SEC23A: variants seen among roughly 807,000 people sequenced by gnomAD.
SEC23A encodes the protein SEC23 homolog A, COPII component, also known as protein transport protein Sec23A.
In SEC23A, 56 loss-of-function variants were observed where a neutral mutation model predicts 103.7. The ratio of observed to expected loss-of-function variants is 0.54; its 90% confidence interval spans 0.44 to 0.67. The LOEUF (loss-of-function observed/expected upper bound fraction) is 0.67, where lower values mean the gene tolerates loss of function less well. Among genes scored for constraint, SEC23A ranks in the 30% least tolerant of loss-of-function variants. SEC23A has a pLI of 0.00. For missense variants in SEC23A, 784 were observed against 936.4 expected (o/e 0.84, Z 2.12); for synonymous variants, 281 against 293.0 (o/e 0.96, Z 0.42).
At chr14:39,048,071 T>C (rs1885905655) in intron 15 of SEC23A, among the ~76,000 whole-genome samples, 2 of 152,168 alleles carry the variant, frequency 1.3e-5, no homozygotes, top group Admixed American at 6.5e-5. Context: ...TTATGTCAAA[T>C]GGAAAACTAA....
intron 19 of SEC23A, among the ~76,000 whole-genome samples, chr14:39,035,788 C>T (rs961863338): frequency 6.6e-6 from 1 of 152,078 alleles, no homozygotes; most frequent in African/African-American, 2.4e-5. Context: ...ACAGTTATTG[C>T]CTCAAGTAAT....
At chr14:39,079,249 A>T (rs1887137071) in intron 7 of SEC23A, among the ~76,000 whole-genome samples, 1 of 152,160 alleles carries the variant, frequency 6.6e-6, no homozygotes, top group Non-Finnish European at 1.5e-5. Flanking sequence ...AATACTTATA[A>T]GAAACAAAAG....
chr14:39,055,123 GCA>G lies in SEC23A; in HGVS notation c.1659+18_1659+19del, dbSNP rs1220836043. The G allele has an allele frequency of 6.2e-7, 1 of 1,613,630 alleles. No individual in the cohort carries two copies. The stretch of plus-strand genomic sequence containing the variant: ...AATGAAAGCATACAGATTTAGAAAA[GCA>G]CAGTGTTTATTTCTTACCAGTCGAA... On this transcript the variant is annotated intron_variant, in intron 14 of 19. Coordinates refer to ENST00000307712, the MANE Select transcript of SEC23A (RefSeq NM_006364.4).
At chr14:39,077,574 T>TAGAG (rs900437666) in intron 7 of SEC23A, among the ~76,000 whole-genome samples, 1 of 147,138 alleles carries the variant, frequency 6.8e-6, no homozygotes, top group African/African-American at 2.5e-5. Flanking sequence ...GAGACAAAGA[T>TAGAG]AGAGAGAGAG....
chr14:39,065,136 CAATA>C, intron 10 of SEC23A, 143 bp from the exon 11 acceptor site: 1 of 694,126 alleles, frequency 1.4e-6, no homozygotes, highest in Non-Finnish European at 2.6e-6. Context: ...AATAATCAAT[CAATA>C]AGCACTTCTA....
At chr14:39,092,698 A>AG in intron 3 of SEC23A, 71 bp from the exon 4 acceptor site, 1 of 833,658 alleles carries the variant, frequency 1.2e-6, no homozygotes, top group South Asian at 1.6e-5. Flanking sequence ...TTTTAAACAA[A>AG]GTATTTCCTG....
chr14:39,071,485 G>A (rs1171532256), intron 9 of SEC23A, among the ~76,000 whole-genome samples: 1 of 152,162 alleles, frequency 6.6e-6, no homozygotes, highest in Non-Finnish European at 1.5e-5. Flanking sequence ...GGAGGCAGAG[G>A]TTGCAGTGAG....
At chr14:39,038,392 C>G (rs747367490) in intron 19 of SEC23A, among the ~76,000 whole-genome samples, 4 of 152,170 alleles carry the variant, frequency 2.6e-5, no homozygotes, top group African/African-American at 4.8e-5. Context: ...TATTTTATCT[C>G]TAATATTAGA....
intron 14 of SEC23A, among the ~76,000 whole-genome samples, chr14:39,049,283 C>T (rs1885959137): frequency 6.6e-6 from 1 of 152,006 alleles, no homozygotes; most frequent in Non-Finnish European, 1.5e-5. Context: ...CGAGACCAGC[C>T]TGGCCAACAT....
At chr14:39,053,229 T>A (rs1886128982) in intron 14 of SEC23A, among the ~76,000 whole-genome samples, 1 of 152,234 alleles carries the variant, frequency 6.6e-6, no homozygotes. Context: ...CACATGATGC[T>A]GGAGACATCT....
chr14:39,033,352 A>G (rs960249312), intron 19 of SEC23A, 24 bp from the exon 20 acceptor site: 7 of 1,447,890 alleles, frequency 4.8e-6, no homozygotes, highest in Non-Finnish European at 6.8e-6. Context: ...GATATTTGTT[A>G]TGATTAAAGC....
intron 19 of SEC23A, among the ~76,000 whole-genome samples, chr14:39,035,722 A>G (rs1414732704): frequency 6.6e-6 from 1 of 152,184 alleles, no homozygotes; most frequent in Non-Finnish European, 1.5e-5. Context: ...GTCCAGATCT[A>G]TTGTATTCAA....
In SEC23A at chr14:39,099,500, C is replaced by T. The variant is rs76459279; in HGVS notation, c.-21-3361G>A. On this transcript the variant is annotated intron_variant, in intron 1 of 19. Coordinates refer to ENST00000307712, the MANE Select transcript of SEC23A (RefSeq NM_006364.4). ...CTTGTGCCTGCTACCATAAGCTTGA[C>T]AAGTTCCTAATATGTAAAGATTTTT... Among the ~76,000 whole-genome samples the T allele has an allele frequency of 7.8e-3, 1,184 of 152,220 alleles. 13 individuals are homozygous for T. The highest frequency in any genetic ancestry group is 0.026 in the African/African-American group (1,081 of 41,528).
chr14:39,097,414 C>A (rs1339676995), intron 1 of SEC23A, among the ~76,000 whole-genome samples: 1 of 152,078 alleles, frequency 6.6e-6, no homozygotes, highest in Non-Finnish European at 1.5e-5. Flanking sequence ...CCTGGAAAAC[C>A]CAACATGGAT....
intron 11 of SEC23A, among the ~76,000 whole-genome samples, chr14:39,063,990 C>T (rs1189677290): frequency 3.7e-5 from 4 of 107,292 alleles, no homozygotes; most frequent in Non-Finnish European, 9.4e-5. Context: ...AGCGAGACTC[C>T]GTCTCAAAAA....
At chr14:39,042,431 C>T (rs770924631) in intron 17 of SEC23A, among the ~76,000 whole-genome samples, 1 of 152,144 alleles carries the variant, frequency 6.6e-6, no homozygotes, top group Non-Finnish European at 1.5e-5. Context: ...ATAATGATTG[C>T]ATAACGTAAA....
At chr14:39,047,846 A>G (rs1939952242) in intron 15 of SEC23A, among the ~76,000 whole-genome samples, 1 of 152,218 alleles carries the variant, frequency 6.6e-6, no homozygotes, top group African/African-American at 2.4e-5. Context: ...CACAGACTTA[A>G]AAATATCTAT....
At chr14:39,073,206 T>G (rs768244948) in intron 9 of SEC23A, among the ~76,000 whole-genome samples, 15 of 152,128 alleles carry the variant, frequency 9.9e-5, no homozygotes, top group Non-Finnish European at 2.1e-4. Context: ...TAAAATAAAA[T>G]AAAATAAAAT....
intron 2 of SEC23A, 137 bp from the exon 3 acceptor site, chr14:39,093,381 C>A: frequency 4.4e-6 from 3 of 689,044 alleles, no homozygotes; most frequent in Non-Finnish European, 7.2e-6. Context: ...TTTTAAAAGC[C>A]ATGTAGTTTT....
Sources: allele counts gnomAD v4.1 joint callset (sites outside exome capture counted in the v4.1 genomes callset), GRCh38; gene constraint gnomAD v4.1.1; transcripts MANE v1.5; gene names NCBI Gene and HGNC (gene_info 2026-07-23, HGNC 2026-07-21).